The following DLG2 variants were observed in gnomAD, a reference collection of about 807,000 sequenced individuals.
DLG2 encodes the protein disks large homolog 2.
Under a neutral mutation model 132.5 loss-of-function variants are expected in DLG2, and 45 were observed. The ratio of observed to expected loss-of-function variants is 0.34; its 90% CI spans 0.27 to 0.44. The LOEUF is 0.44. Among genes scored for constraint, DLG2 ranks in the 20% least tolerant of loss-of-function variants. DLG2 has a pLI of 1.00. For synonymous variants in DLG2, 424 were observed against 419.6 expected, an observed-to-expected ratio of 1.01 and a Z score of -0.13; for missense variants, 1,045 against 1,196.9, an observed-to-expected ratio of 0.87 and a Z score of 1.87.
chr11:84,262,340 T>C (rs2097557837), intron 7 of DLG2, among the ~76,000 whole-genome samples: 1 of 152,158 alleles, frequency 6.6e-6, no homozygotes, highest in African/African-American at 2.4e-5. Context: ...TGGGAGGAAG[T>C]ATGGGATTTG....
intron 9 of DLG2, among the ~76,000 whole-genome samples, chr11:84,131,501 C>T (rs1218552758): frequency 2.0e-5 from 3 of 151,878 alleles, no homozygotes; most frequent in African/African-American, 7.3e-5. Flanking sequence ...TTCTTTCACC[C>T]TATAGAATTT....
chr11:83,543,787 T>C (rs1400929737), intron 19 of DLG2, among the ~76,000 whole-genome samples: 1 of 152,194 alleles, frequency 6.6e-6, no homozygotes. Context: ...AAATCTTTTC[T>C]ATAGATTCTA....
intron 5 of DLG2, among the ~76,000 whole-genome samples, chr11:85,138,753 C>T (rs941175014): frequency 6.6e-6 from 1 of 150,390 alleles, no homozygotes; most frequent in African/African-American, 2.5e-5. Context: ...CTCATACTGT[C>T]ACCATGTAAG....
chr11:84,097,778 C>A (rs1431131537), intron 10 of DLG2, among the ~76,000 whole-genome samples: 1 of 152,148 alleles, frequency 6.6e-6, no homozygotes, highest in Non-Finnish European at 1.5e-5. Context: ...GGATTTACAA[C>A]CTAGCAGGGG....
At chr11:83,469,983 G>T (rs1454725627) in intron 24 of DLG2, among the ~76,000 whole-genome samples, 1 of 152,076 alleles carries the variant, frequency 6.6e-6, no homozygotes, top group Non-Finnish European at 1.5e-5. Flanking sequence ...AAATTTTTTG[G>T]TAAGAAGAGA....
At chr11:83,476,768 T>C (rs1296635847) in intron 22 of DLG2, among the ~76,000 whole-genome samples, 1 of 152,122 alleles carries the variant, frequency 6.6e-6, no homozygotes, top group Non-Finnish European at 1.5e-5. Flanking sequence ...GCCACTACTT[T>C]AATAAGGCAG....
At position 85,265,804 on chromosome 11, in the gene DLG2, G is replaced by A. The variant is rs190485139; in HGVS notation, c.186+19416C>T. 2.5e-3 allele frequency among the ~76,000 whole-genome samples: 375 copies of A among 152,304 alleles called. 1 individual carries two copies. The highest frequency in any genetic ancestry group is 4.3e-3 in the Non-Finnish European group (290 of 68,006). On this transcript the variant is annotated intron_variant, in intron 4 of 27. Coordinates refer to ENST00000376104, the MANE Select transcript of DLG2 (RefSeq NM_001142699.3). ...CATCAGAGAGAGGCAACTTGACTTC[G>A]GAGGAGAGAGGCAGAGAGATAACTT...
chr11:83,945,806 CTGTGTGTGTGTGTGTGTGTGTG>C (rs56913664), intron 14 of DLG2, among the ~76,000 whole-genome samples: 2 of 136,290 alleles, frequency 1.5e-5, no homozygotes, highest in Admixed American at 1.5e-4. Flanking sequence ...AGAAATGCCT[CTGTGTGTGTGTGTGTGTGTGTG>C]TGTGTGTGTG....
At chr11:85,620,288 C>A (rs1031068789) in intron 2 of DLG2, among the ~76,000 whole-genome samples, 2 of 152,214 alleles carry the variant, frequency 1.3e-5, no homozygotes, top group Admixed American at 6.5e-5. Flanking sequence ...CCTCTACCAA[C>A]TGGTCATTGC....
chr11:84,849,139 A>G (rs1380196243), intron 6 of DLG2, among the ~76,000 whole-genome samples: 1 of 152,200 alleles, frequency 6.6e-6, no homozygotes, highest in Non-Finnish European at 1.5e-5. Context: ...GAGAGAGGCC[A>G]AATTGTCCAG....
intron 3 of DLG2, among the ~76,000 whole-genome samples, chr11:85,489,020 A>C (rs2093497034): frequency 6.6e-6 from 1 of 152,160 alleles, no homozygotes; most frequent in Non-Finnish European, 1.5e-5. Flanking sequence ...GAAATAAATA[A>C]TTTAGAAAAC....
At chr11:84,498,587 C>T (rs1331472345) in intron 7 of DLG2, among the ~76,000 whole-genome samples, 3 of 152,234 alleles carry the variant, frequency 2.0e-5, no homozygotes, top group Non-Finnish European at 4.4e-5. Context: ...AACAAAAACA[C>T]TGGGTGTAAA....
At chr11:83,687,476 T>C (rs1346761901) in intron 18 of DLG2, among the ~76,000 whole-genome samples, 1 of 152,136 alleles carries the variant, frequency 6.6e-6, no homozygotes, top group Non-Finnish European at 1.5e-5. Flanking sequence ...GAAAAGGAAG[T>C]AGGATGCAGT....
At chr11:85,318,847 T>A (rs2080863844) in intron 3 of DLG2, among the ~76,000 whole-genome samples, 1 of 151,812 alleles carries the variant, frequency 6.6e-6, no homozygotes, top group Non-Finnish European at 1.5e-5. Context: ...CTGTTGAGGT[T>A]AAGAATCCAT....
chr11:84,261,200 T>C (rs1180388801), intron 7 of DLG2, among the ~76,000 whole-genome samples: 3 of 152,236 alleles, frequency 2.0e-5, no homozygotes, highest in Non-Finnish European at 4.4e-5. Context: ...TTATACACAA[T>C]GTGGGATCAC....
chr11:83,949,945 A>T (rs1001019177), intron 14 of DLG2, among the ~76,000 whole-genome samples: 9 of 152,202 alleles, frequency 5.9e-5, no homozygotes, highest in African/African-American at 2.2e-4. Flanking sequence ...TTTATAAGTT[A>T]TAATTTGGAG....
chr11:84,177,385 G>A (rs1057268082), intron 8 of DLG2, among the ~76,000 whole-genome samples: 5 of 152,066 alleles, frequency 3.3e-5, no homozygotes, highest in Non-Finnish European at 7.4e-5. Flanking sequence ...CTGTTTCTCT[G>A]TGTTTACAGA....
intron 9 of DLG2, among the ~76,000 whole-genome samples, chr11:84,147,036 C>G (rs1362507348): frequency 6.6e-6 from 1 of 152,122 alleles, no homozygotes; most frequent in Non-Finnish European, 1.5e-5. Flanking sequence ...TGCCCCCTCT[C>G]TGCTCCCATA....
chr11:84,657,751 A>C (rs2099689965), intron 6 of DLG2, among the ~76,000 whole-genome samples: 1 of 152,190 alleles, frequency 6.6e-6, no homozygotes, highest in Non-Finnish European at 1.5e-5. Context: ...CTTAATTCTT[A>C]ACAGGCTACA....
Sources: gnomAD v4.1 joint callset for allele counts (sites outside exome capture counted in the v4.1 genomes callset) on GRCh38, gnomAD v4.1.1 for gene constraint, MANE v1.5 for transcripts, NCBI Gene and HGNC (gene_info 2026-07-23, HGNC 2026-07-21) for gene names.